DOCK9: variants seen among roughly 807,000 people sequenced by gnomAD.
The protein encoded by DOCK9 is dedicator of cytokinesis 9, also known as dedicator of cytokinesis protein 9.
Under a neutral mutation model 263.3 loss-of-function variants are expected in DOCK9, and 89 were observed. That is an observed-to-expected ratio of 0.34 (90% CI 0.28 to 0.40). The LOEUF (loss-of-function observed/expected upper bound fraction) is 0.40, where lower values mean the gene tolerates loss of function less well. DOCK9 is among the 10% of genes least tolerant of loss of function. DOCK9 has a pLI of 1.00. For synonymous variants in DOCK9, 976 were observed against 973.1 expected (o/e 1.00, Z -0.06); for missense variants, 2,140 against 2,603.4 (o/e 0.82, Z 3.87).
intron 20 of DOCK9, chr13:98,885,450 C>A: frequency 3.8e-6 from 2 of 526,852 alleles, no homozygotes; most frequent in Non-Finnish European, 3.4e-6. Context: ...CAAAAAAATA[C>A]AAAAATTAGC....
At chr13:98,884,492 T>C (rs2045365206) in intron 21 of DOCK9, among the ~76,000 whole-genome samples, 1 of 152,248 alleles carries the variant, frequency 6.6e-6, no homozygotes, top group Non-Finnish European at 1.5e-5. Context: ...AAATTTAAGA[T>C]GGCTAAAAAG....
At chr13:98,826,608 A>C (rs554282782) in intron 44 of DOCK9, among the ~76,000 whole-genome samples, 61 of 152,122 alleles carry the variant, frequency 4.0e-4, no homozygotes, top group African/African-American at 1.4e-3. Flanking sequence ...CTATCAGAGG[A>C]GGTTACATGA....
At chr13:99,004,610 C>T (rs906007075) in intron 1 of DOCK9, among the ~76,000 whole-genome samples, 1 of 152,206 alleles carries the variant, frequency 6.6e-6, no homozygotes, top group Non-Finnish European at 1.5e-5. Flanking sequence ...TGCTTCTGTT[C>T]ACAAGTCATT....
chr13:99,033,670 C>G (rs1185754050), intron 1 of DOCK9, among the ~76,000 whole-genome samples: 3 of 152,172 alleles, frequency 2.0e-5, no homozygotes, highest in Non-Finnish European at 1.5e-5. Context: ...TCACCTATTG[C>G]AACAGTGATA....
At chr13:99,084,143 C>T (rs896254082) in intron 1 of DOCK9, among the ~76,000 whole-genome samples, 1 of 152,176 alleles carries the variant, frequency 6.6e-6, no homozygotes, top group Non-Finnish European at 1.5e-5. Flanking sequence ...ACTTATGTGG[C>T]AGGTGCACCT....
chr13:99,050,411 A>G (rs1297770904), intron 1 of DOCK9, among the ~76,000 whole-genome samples: 2 of 152,134 alleles, frequency 1.3e-5, no homozygotes, highest in East Asian at 1.9e-4. Flanking sequence ...TCAACATGTC[A>G]TGACCGGGCG....
chr13:98,841,599 T>C lies in DOCK9; in HGVS notation c.4199-3990A>G, dbSNP rs181655381. The stretch of plus-strand genomic sequence containing the variant: ...TATCTCAGAATCAAGGAAATAAGTG[T>C]CTTGTTTATGAACAAAATTTTTTTT... On this transcript the variant is annotated intron_variant, in intron 38 of 52. Transcript: ENST00000682017. Among the ~76,000 whole-genome samples, 38 of 151,968 alleles carry C rather than the reference T, an allele frequency of 2.5e-4. No homozygotes were observed. The East Asian group carries it at 6.8e-3, about 27-fold the overall frequency.
Position 98,885,037 on chromosome 13 carries a change from C to T in DOCK9, c.2316G>A (p.Gln772=). ...LKDGRVVTSE[Q]HIPVSANLPS... ...GAAGGTTCGCCGAGACCGGGATGTG[C>T]TGCTCGCTTGTCACCACCCTTCCGT... The change falls in exon 21 of 53, where the codon CAG becomes CAA. Residue 772 remains glutamine, a synonymous_variant. Transcript: ENST00000682017. 6.2e-7 allele frequency: 1 copy of T among 1,613,680 alleles called. No individual in the cohort carries two copies. The highest frequency in any genetic ancestry group is 8.5e-7 in the Non-Finnish European group (1 of 1,179,816).
At chr13:98,995,579 C>A (rs1228480852) in intron 1 of DOCK9, among the ~76,000 whole-genome samples, 1 of 151,304 alleles carries the variant, frequency 6.6e-6, no homozygotes, top group Non-Finnish European at 1.5e-5. Context: ...AGCTCCGCCC[C>A]CCGAGTTCAC....
intron 38 of DOCK9, among the ~76,000 whole-genome samples, chr13:98,841,600 CTTGT>C (rs2093214810): frequency 6.7e-6 from 1 of 149,746 alleles, no homozygotes; most frequent in Non-Finnish European, 1.5e-5. Context: ...AAATAAGTGT[CTTGT>C]TTATGAACAA....
chr13:98,936,259 C>T (rs2054809663), intron 2 of DOCK9, among the ~76,000 whole-genome samples: 1 of 152,126 alleles, frequency 6.6e-6, no homozygotes, highest in South Asian at 2.1e-4. Flanking sequence ...CCTGTACCCA[C>T]ATGCCCTTCT....
At position 98,856,104 on chromosome 13, in the gene DOCK9, G is replaced by T. The variant is rs190427218; in HGVS notation, c.3698-73C>A. ...AATAAAGATGAGTACTGAACTTTAA[G>T]GGAAATTGCTTTTATTGCACTTATT... On this transcript the variant is annotated intron_variant, in intron 33 of 52. Transcript: ENST00000682017. The T allele has an allele frequency of 1.5e-4, 220 of 1,505,912 alleles. 2 individuals carry two copies. The African/African-American group carries it at 2.8e-3, about 19-fold the overall frequency. 93.3% of individuals were successfully genotyped at this position (1,505,912 alleles called of 1,614,324 possible).
At chr13:99,070,009 G>A (rs1402434256) in intron 1 of DOCK9, among the ~76,000 whole-genome samples, 1 of 152,164 alleles carries the variant, frequency 6.6e-6, no homozygotes, top group Non-Finnish European at 1.5e-5. Context: ...AGAGGCCAAA[G>A]ATAGACTTTT....
intron 34 of DOCK9, 77 bp downstream of exon 34, chr13:98,855,821 T>G: frequency 2.6e-6 from 4 of 1,564,636 alleles, no homozygotes; most frequent in Non-Finnish European, 3.5e-6. Context: ...TAAAAGGCAC[T>G]AGAACATGAA....
At chr13:98,852,432 G>T (rs1465592879) in intron 35 of DOCK9, among the ~76,000 whole-genome samples, 3 of 151,972 alleles carry the variant, frequency 2.0e-5, no homozygotes, top group Non-Finnish European at 2.9e-5. Flanking sequence ...CCTTGGCTGG[G>T]GTTGGGGAAA....
At chr13:98,831,579 C>G in intron 40 of DOCK9, 49 bp from the exon 41 acceptor site, 1 of 1,593,596 alleles carries the variant, frequency 6.3e-7, no homozygotes, top group Non-Finnish European at 8.6e-7. Flanking sequence ...CAGGTCAGTG[C>G]TCGGTAATGT....
chr13:98,874,230 G>A (rs2094266580), intron 27 of DOCK9, among the ~76,000 whole-genome samples: 1 of 152,190 alleles, frequency 6.6e-6, no homozygotes, highest in African/African-American at 2.4e-5. Context: ...ACAGGATATG[G>A]ACCCAAATGG....
intron 13 of DOCK9, among the ~76,000 whole-genome samples, chr13:98,899,897 C>T (rs2048016301): frequency 6.6e-6 from 1 of 152,036 alleles, no homozygotes; most frequent in African/African-American, 2.4e-5. Flanking sequence ...CTTTTTAAAA[C>T]CTCTATTCAC....
chr13:99,086,968 G>C (rs956367448), upstream of DOCK9, among the ~76,000 whole-genome samples: 1 of 152,114 alleles, frequency 6.6e-6, no homozygotes, highest in African/African-American at 2.4e-5. Context: ...TTTCGGAGCA[G>C]GGTTTCCTGC....
Sources: allele counts gnomAD v4.1 joint callset (sites outside exome capture counted in the v4.1 genomes callset), GRCh38; gene constraint gnomAD v4.1.1; transcripts MANE v1.5; gene names NCBI Gene and HGNC (gene_info 2026-07-23, HGNC 2026-07-21).